The following ECT2L variants were observed in gnomAD, a reference collection of about 807,000 sequenced individuals.
The protein encoded by ECT2L is epithelial cell transforming 2 like.
ECT2L carries 126 observed loss-of-function variants against 122.8 expected under a neutral mutation model. The observed-to-expected ratio is 1.03, with a 90% CI of 0.89 to 1.19. The LOEUF (loss-of-function observed/expected upper bound fraction) is 1.19. Ranked by LOEUF, ECT2L falls within the 50% of genes most tolerant of loss-of-function variation. The pLI is 0.00. For missense variants in ECT2L, 1,012 were observed against 1,064.1 expected (o/e 0.95, Z 0.68); for synonymous variants, 385 against 381.8 (o/e 1.01, Z -0.10).
chr6:138,881,855 ACCT>A (rs1403216449), intron 15 of ECT2L, among the ~76,000 whole-genome samples: 2 of 152,060 alleles, frequency 1.3e-5, no homozygotes, highest in East Asian at 3.9e-4. Context: ...ACCCCCACTC[ACCT>A]CCTGCTATGC....
intron 10 of ECT2L, 39 bp downstream of exon 10, chr6:138,854,193 C>A: frequency 6.4e-7 from 1 of 1,567,314 alleles, no homozygotes; most frequent in South Asian, 1.2e-5. Flanking sequence ...AGTGGCCATG[C>A]CACTTCATGG....
At chr6:138,876,584 A>ACC in intron 14 of ECT2L, 26 bp downstream of exon 14, 1 of 1,491,166 alleles carries the variant, frequency 6.7e-7, no homozygotes, top group Non-Finnish European at 9.2e-7. Context: ...ATGTAACTTT[A>ACC]CCATTGGTTT....
intron 1 of ECT2L, among the ~76,000 whole-genome samples, chr6:138,806,186 C>T (rs1183005071): frequency 6.6e-6 from 1 of 152,146 alleles, no homozygotes; most frequent in Non-Finnish European, 1.5e-5. Context: ...TTATCTGTTT[C>T]CCCAGACACC....
At position 138,849,377 on chromosome 6, in the gene ECT2L, GCA is replaced by G; in HGVS notation, c.1015_1016del (p.Gln339GlufsTer6). Reference sequence around the variant, plus strand: ...AGAAAAAGCTCTGGATGGGCAGAAGGCACAGAGCATCGGAATATTTAGCGATG... The same window carrying G: ...AGAAAAAGCTCTGGATGGGCAGAAGGCAGAGCATCGGAATATTTAGCGATG... ...LIEKALDGQK[A>X]QSIGIFSDGD... On this transcript the variant is annotated frameshift_variant, in exon 9 of 22. Coordinates refer to ENST00000541398, the MANE Select transcript of ECT2L (RefSeq NM_001077706.3). LOFTEE classifies it high-confidence loss of function. 3.1e-6 allele frequency: 5 copies of G among 1,613,974 alleles called. No homozygotes were observed. Among genetic ancestry groups the G allele is most frequent in the Non-Finnish European group, 4.2e-6 (5 of 1,179,966 alleles).
intron 20 of ECT2L, among the ~76,000 whole-genome samples, chr6:138,899,440 T>TGC (rs1491302931): frequency 2.4e-5 from 2 of 85,044 alleles, no homozygotes; most frequent in Non-Finnish European, 4.6e-5. Context: ...GTACATAGAT[T>TGC]GTGTGTGTGT....
intron 20 of ECT2L, among the ~76,000 whole-genome samples, chr6:138,893,237 G>A (rs1779098466): frequency 6.7e-6 from 1 of 149,910 alleles, no homozygotes; most frequent in Non-Finnish European, 1.5e-5. Flanking sequence ...AAGGTTAGAG[G>A]TGGCTGGAGT....
intron 4 of ECT2L, 68 bp downstream of exon 4, chr6:138,814,671 A>G: frequency 1.0e-6 from 1 of 952,972 alleles, no homozygotes; most frequent in South Asian, 1.8e-5. Context: ...TGTTTATATA[A>G]CCTTTAAGAG....
At chr6:138,896,256 TTTTTTTC>T (rs1211684317) in intron 20 of ECT2L, among the ~76,000 whole-genome samples, 61 of 152,164 alleles carry the variant, frequency 4.0e-4, no homozygotes, top group African/African-American at 1.4e-3. Context: ...TTAAGCATGC[TTTTTTTC>T]TTCCAATGGA....
chr6:138,877,688 C>T (rs1201685470), intron 14 of ECT2L, among the ~76,000 whole-genome samples: 4 of 152,152 alleles, frequency 2.6e-5, no homozygotes, highest in Non-Finnish European at 5.9e-5. Flanking sequence ...AATCCCAGCA[C>T]TTTCGGAGGC....
chr6:138,886,868 C>CT lies in ECT2L; in HGVS notation c.2271_2272insT (p.Ile758TyrfsTer29). On this transcript the variant is annotated frameshift_variant, in exon 19 of 22. Transcript: ENST00000541398. LOFTEE classifies it high-confidence loss of function. ...TTTTTTTCCCCTAGATGAAGCAAAA[C>CT]ATCACTATGAAGGATCATCTGTCAG... is the stretch of plus-strand genomic sequence containing the variant. 6.2e-7 allele frequency: 1 copy of CT among 1,613,346 alleles called. No homozygotes were observed.
intron 12 of ECT2L, 95 bp downstream of exon 12, chr6:138,865,273 T>C (rs1777993576): frequency 7.9e-7 from 1 of 1,272,354 alleles, no homozygotes; most frequent in Non-Finnish European, 1.1e-6. Flanking sequence ...AGTAAAATTT[T>C]ACTCTTGAAC....
At chr6:138,822,036 T>C (rs2128378195) in intron 4 of ECT2L, among the ~76,000 whole-genome samples, 1 of 152,406 alleles carries the variant, frequency 6.6e-6, no homozygotes, top group Non-Finnish European at 1.5e-5. Context: ...CTGTGCTGCT[T>C]TAAGCCACTA....
rs1379633000 is a variant in ECT2L, at chr6:138,849,270, T to C, written c.905T>C (p.Met302Thr). The change falls in exon 9 of 22, where the codon ATG becomes ACG. Residue 302 changes from methionine (M) to threonine (T), a missense_variant and splice_region_variant. Transcript: ENST00000541398. The stretch of plus-strand genomic sequence containing the variant: ...TACAGCTTTGGTTTCATTCTCCAGA[T>C]GGTGATGGAGAGTGTGAAGGCTGGT... ...LISSRIPAYE[M>T]VMESVKAGVV... The C allele has an allele frequency of 7.5e-6, 12 of 1,602,476 alleles. No individual in the cohort carries two copies. The highest frequency in any genetic ancestry group is 1.1e-5 in the South Asian group (1 of 88,680).
rs200148930 is a variant in ECT2L at position 138,849,306 on chromosome 6, T to A, written c.941T>A (p.Val314Glu). ...MESVKAGVVS[V>E]VYEHSVTLES... ...AGTGTGAAGGCTGGTGTTGTTTCTGTGGTATATGAACACAGCGTAACCTTG... is the reference window on the plus strand; with the variant it reads ...AGTGTGAAGGCTGGTGTTGTTTCTGAGGTATATGAACACAGCGTAACCTTG... Residue 314 changes from valine to glutamate, a missense_variant, in exon 9 of 22, where the codon GTG becomes GAG. Val to Glu is a moderately radical substitution (Grantham distance 121, BLOSUM62 -2). Coordinates refer to ENST00000541398, the MANE Select transcript of ECT2L (RefSeq NM_001077706.3). 1.2e-6 allele frequency: 2 copies of A among 1,613,546 alleles called. No homozygotes were observed. The highest frequency in any genetic ancestry group is 2.2e-5 in the South Asian group (2 of 90,940).
intron 4 of ECT2L, among the ~76,000 whole-genome samples, chr6:138,821,452 A>C (rs986695278): frequency 2.0e-5 from 3 of 152,160 alleles, no homozygotes; most frequent in African/African-American, 7.2e-5. Context: ...GAAGAAAAAA[A>C]AAAACATTTG....
intron 14 of ECT2L, among the ~76,000 whole-genome samples, chr6:138,878,306 T>TATACACACACACACACACAC (rs139026623): frequency 6.7e-6 from 1 of 150,218 alleles, no homozygotes; most frequent in African/African-American, 2.5e-5. Context: ...CATATATATA[T>TATACACACACACACACACAC]ACACACACAC....
intron 8 of ECT2L, among the ~76,000 whole-genome samples, chr6:138,849,020 GAAGA>G (rs1777331104): frequency 6.6e-6 from 1 of 152,130 alleles, no homozygotes; most frequent in African/African-American, 2.4e-5. Flanking sequence ...TAAAAGGCTG[GAAGA>G]AAGTAATCTA....
At chr6:138,825,212 G>A (rs62440913) in intron 4 of ECT2L, among the ~76,000 whole-genome samples, 17,644 of 152,130 alleles carry the variant, frequency 0.12, 1,365 homozygotes, top group East Asian at 0.27. Context: ...ATCTGGATGG[G>A]ACAGCATGTG....
rs187295991 is a variant in ECT2L at position 138,865,186 on chromosome 6, G to A, written c.1474+8G>A. 119 of 1,592,482 alleles carry A rather than the reference G, an allele frequency of 7.5e-5. No individual in the cohort carries two copies. Among genetic ancestry groups the A allele is most frequent in the Non-Finnish European group, 9.3e-5 (108 of 1,164,952 alleles). Reference sequence around the variant, plus strand: ...TCAGTGGCAGGATGATAGGTAAGCAGTCTTGCTACTTCTGTTGCAGGTTAA... The same window carrying A: ...TCAGTGGCAGGATGATAGGTAAGCAATCTTGCTACTTCTGTTGCAGGTTAA... On this transcript the variant is annotated splice_region_variant and intron_variant, in intron 12 of 21. Transcript: ENST00000541398.
Sources: gnomAD v4.1 joint callset for allele counts (sites outside exome capture counted in the v4.1 genomes callset) on GRCh38, gnomAD v4.1.1 for gene constraint, MANE v1.5 for transcripts, NCBI Gene and HGNC (gene_info 2026-07-23, HGNC 2026-07-21) for gene names.